The following AREL1 variants were observed in gnomAD, a reference collection of about 807,000 sequenced individuals.
AREL1 encodes apoptosis-resistant E3 ubiquitin protein ligase 1.
In AREL1, 62 loss-of-function variants were observed where a neutral mutation model predicts 99.0. The observed-to-expected ratio is 0.63, with a 90% CI of 0.51 to 0.77. The LOEUF (loss-of-function observed/expected upper bound fraction) is 0.77, where lower values mean the gene tolerates loss of function less well. Ranked by LOEUF, AREL1 falls within the 30% of genes least tolerant of loss-of-function variation. The probability of loss-of-function intolerance (pLI) is 0.00; values close to 1 mark genes in which losing one functional copy is unlikely to be tolerated. For synonymous variants in AREL1, 380 were observed against 376.5 expected (o/e 1.01, Z -0.11); for missense variants, 879 against 1,027.6 (o/e 0.86, Z 1.98).
At chr14:74,697,367 T>C (rs2089997982) in intron 1 of AREL1, among the ~76,000 whole-genome samples, 1 of 152,134 alleles carries the variant, frequency 6.6e-6, no homozygotes, top group Non-Finnish European at 1.5e-5. Flanking sequence ...TCCAGGGACA[T>C]GAACTTAAAA....
intron 1 of AREL1, among the ~76,000 whole-genome samples, chr14:74,706,448 T>C (rs1211452982): frequency 6.6e-6 from 1 of 152,200 alleles, no homozygotes; most frequent in Non-Finnish European, 1.5e-5. Context: ...ATTTATATAA[T>C]TGAAAGGAAA....
At chr14:74,667,637 T>C (rs2089239001) in intron 15 of AREL1, 43 bp from the exon 16 acceptor site, 6 of 1,551,056 alleles carry the variant, frequency 3.9e-6, no homozygotes, top group Non-Finnish European at 5.2e-6. Flanking sequence ...AGGCTGTGGA[T>C]GGAAATTTAT....
In AREL1 at chr14:74,664,051, C is replaced by T; in HGVS notation, c.2217G>A (p.Val739=). 1 of 1,613,932 alleles carries T rather than the reference C, an allele frequency of 6.2e-7. No individual in the cohort carries two copies. Among genetic ancestry groups the T allele is most frequent in the Non-Finnish European group, 8.5e-7 (1 of 1,179,900 alleles). Residue 739 remains valine, a synonymous_variant, in exon 19 of 20, where the codon GTG becomes GTA. Transcript: ENST00000356357. ...ACTCCTCCTGGGTCAGACTGGAAACCACAGTCCAAAACCACCTCATGACCT... is the reference window on the plus strand; with the variant it reads ...ACTCCTCCTGGGTCAGACTGGAAACTACAGTCCAAAACCACCTCATGACCT... ...REKVMRWFWT[V]VSSLTQEELA... is the part of the protein sequence containing the mutation.
At chr14:74,682,022 A>G (rs1335450274) in intron 5 of AREL1, among the ~76,000 whole-genome samples, 1 of 152,242 alleles carries the variant, frequency 6.6e-6, no homozygotes, top group Non-Finnish European at 1.5e-5. Flanking sequence ...ATCAAAAAAT[A>G]AAAAGTTTAA....
At chr14:74,697,588 A>G (rs544316808) in intron 1 of AREL1, among the ~76,000 whole-genome samples, 1 of 152,212 alleles carries the variant, frequency 6.6e-6, no homozygotes, top group Admixed American at 6.5e-5. Context: ...ACAGTTGTCT[A>G]TTTCTGCTAT....
chr14:74,702,797 T>A (rs2090110037), intron 1 of AREL1, among the ~76,000 whole-genome samples: 1 of 152,176 alleles, frequency 6.6e-6, no homozygotes, highest in African/African-American at 2.4e-5. Flanking sequence ...TCTCTCAAAT[T>A]CAAAGTTCCA....
chr14:74,699,175 T>C (rs370930472), intron 1 of AREL1, among the ~76,000 whole-genome samples: 27 of 152,310 alleles, frequency 1.8e-4, no homozygotes, highest in African/African-American at 6.5e-4. Context: ...CACTGTTTTC[T>C]TATGATTTTG....
chr14:74,712,770 G>T (rs1010124170), intron 1 of AREL1, 163 bp downstream of exon 1: 1 of 349,926 alleles, frequency 2.9e-6, no homozygotes, highest in Admixed American at 3.9e-5. Context: ...CTGGACCATA[G>T]ACACCGGATA....
intron 1 of AREL1, among the ~76,000 whole-genome samples, chr14:74,711,140 A>C (rs904811899): frequency 4.0e-5 from 6 of 151,880 alleles, no homozygotes; most frequent in African/African-American, 1.2e-4. Context: ...CTGAGGCAGG[A>C]GAATCGCTTA....
intron 1 of AREL1, among the ~76,000 whole-genome samples, chr14:74,692,571 C>T (rs932811400): frequency 1.7e-4 from 26 of 152,206 alleles, no homozygotes; most frequent in Admixed American, 4.6e-4. Context: ...ACTATGTCTC[C>T]GGCTGAGAAG....
At chr14:74,712,038 CAAAAAAAA>C (rs752599769) in intron 1 of AREL1, 17 of 28,702 alleles carry the variant, frequency 5.9e-4, no homozygotes, top group Admixed American at 1.1e-3. Context: ...AGACAAAGTG[CAAAAAAAA>C]AAAAAAAAAA....
Position 74,692,063 on chromosome 14 carries a change from T to C in AREL1, c.-68A>G. The C allele has an allele frequency of 4.9e-6, 2 of 404,584 alleles. No individual in the cohort carries two copies. The highest frequency in any genetic ancestry group is 9.5e-6 in the Non-Finnish European group (2 of 210,672). The allele number at this position is 404,584 out of a possible 1,614,324, so 25.1% of individuals were successfully genotyped here. ...TACCTTTAAACGAGGGCCCATGTTC[T>C]GAGAACCAAGTAGAGCACTCCTATT... On this transcript the variant is annotated 5_prime_UTR_variant, in exon 2 of 20. Coordinates refer to ENST00000356357, the MANE Select transcript of AREL1 (RefSeq NM_001039479.2).
In AREL1 at chr14:74,661,728, T is replaced by G; in HGVS notation, c.*1992A>C. 6.3e-6 allele frequency: 1 copy of G among 159,262 alleles called. No individual in the cohort carries two copies. The highest frequency in any genetic ancestry group is 1.4e-5 in the Non-Finnish European group (1 of 72,566). The allele number at this position is 159,262 out of a possible 1,614,324, so 9.9% of individuals were successfully genotyped here. A position where few individuals can be genotyped will look rare whatever the true frequency, so the allele number is the denominator to read the frequency against. On this transcript the variant is annotated 3_prime_UTR_variant, in exon 20 of 20. Transcript: ENST00000356357. ...AAGGGTTTTGTTTAACAAAGACTGGTGCCTAAGGACCACCACAGGGATGCA... is the reference window on the plus strand; with the variant it reads ...AAGGGTTTTGTTTAACAAAGACTGGGGCCTAAGGACCACCACAGGGATGCA...
intron 1 of AREL1, among the ~76,000 whole-genome samples, chr14:74,707,488 C>G (rs1170708945): frequency 6.6e-6 from 1 of 151,396 alleles, no homozygotes; most frequent in African/African-American, 2.4e-5. Context: ...TGGTGAAATC[C>G]CATCTCTACT....
chr14:74,705,046 T>G (rs965977195), intron 1 of AREL1, among the ~76,000 whole-genome samples: 21 of 151,944 alleles, frequency 1.4e-4, no homozygotes, highest in South Asian at 4.1e-4. Flanking sequence ...TTCTGTTGTT[T>G]TTTTTTTTTT....
intron 1 of AREL1, among the ~76,000 whole-genome samples, chr14:74,697,139 G>C (rs985460960): frequency 4.6e-5 from 7 of 151,220 alleles, no homozygotes; most frequent in African/African-American, 1.7e-4. Flanking sequence ...AACAGAGAGA[G>C]AGATCCTGTC....
At chr14:74,667,622 G>A (rs1006413006) in intron 15 of AREL1, 28 bp from the exon 16 acceptor site, 11 of 1,572,422 alleles carry the variant, frequency 7.0e-6, no homozygotes, top group Non-Finnish European at 9.5e-6. Flanking sequence ...AGACAGACAA[G>A]GGAGAGGCTG....
Position 74,713,037 on chromosome 14 carries a change from C to G in AREL1, c.-438G>C. On this transcript the variant is annotated 5_prime_UTR_variant, in exon 1 of 20. Coordinates refer to ENST00000356357, the MANE Select transcript of AREL1 (RefSeq NM_001039479.2). ...CTCCCCACTCTCCCACCAACAGACC[C>G]CAGAGTTGGTCTCCACCCGGCCTGG... is the stretch of plus-strand genomic sequence containing the variant. 1 of 1,240,214 alleles carries G rather than the reference C, an allele frequency of 8.1e-7. No homozygotes were observed. Among genetic ancestry groups the G allele is most frequent in the Non-Finnish European group, 1.2e-6 (1 of 845,306 alleles). The allele number at this position is 1,240,214 out of a possible 1,614,324, so 76.8% of individuals were successfully genotyped here.
chr14:74,701,966 T>C (rs1334424971), intron 1 of AREL1, among the ~76,000 whole-genome samples: 1 of 152,208 alleles, frequency 6.6e-6, no homozygotes, highest in Admixed American at 6.5e-5. Context: ...ATGTCTCACA[T>C]CCAGGTCACG....
Sources: gnomAD v4.1 joint callset for allele counts (sites outside exome capture counted in the v4.1 genomes callset) on GRCh38, gnomAD v4.1.1 for gene constraint, MANE v1.5 for transcripts, NCBI Gene and HGNC (gene_info 2026-07-23, HGNC 2026-07-21) for gene names.